Variants in CAST observed in about 807,000 individuals in gnomAD.
CAST encodes calpastatin.
CAST carries 76 observed loss-of-function variants against 119.6 expected under a neutral mutation model. That is an observed-to-expected ratio of 0.64 (90% CI 0.53 to 0.77). The LOEUF (loss-of-function observed/expected upper bound fraction) is 0.77. Among genes scored for constraint, CAST ranks in the 30% least tolerant of loss-of-function variants. The probability of loss-of-function intolerance (pLI) is 0.00; values close to 1 mark genes in which losing one functional copy is unlikely to be tolerated. For missense variants in CAST, 953 were observed against 946.5 expected (o/e 1.01, Z -0.09); for synonymous variants, 319 against 331.6 (o/e 0.96, Z 0.41).
At chr5:96,287,828 G>T in the CAST span, among the ~76,000 whole-genome samples, 5 of 152,030 alleles carry the variant, frequency 3.3e-5, no homozygotes, top group African/African-American at 1.2e-4. Context: ...TCTCATGACA[G>T]AGCAAGACTC....
At chr5:96,560,226 A>C (rs1402343386) in intron 1 of CAST, among the ~76,000 whole-genome samples, 1 of 152,100 alleles carries the variant, frequency 6.6e-6, no homozygotes, top group African/African-American at 2.4e-5. Flanking sequence ...TAAAGACTTA[A>C]ATGTTAGACC....
At chr5:96,568,765 G>C (rs911956533) in intron 1 of CAST, among the ~76,000 whole-genome samples, 4 of 151,668 alleles carry the variant, frequency 2.6e-5, no homozygotes, top group African/African-American at 9.7e-5. Flanking sequence ...GTTATTTAAA[G>C]GAATGGTCAA....
chr5:96,137,706 T>C, the CAST span, among the ~76,000 whole-genome samples: 1 of 152,122 alleles, frequency 6.6e-6, no homozygotes, highest in South Asian at 2.1e-4. Flanking sequence ...TATATAGTGG[T>C]ATCTTGTTGT....
chr5:96,681,001 G>A (rs146151230), intron 2 of CAST, among the ~76,000 whole-genome samples: 78 of 152,386 alleles, frequency 5.1e-4, no homozygotes, highest in African/African-American at 1.8e-3. Flanking sequence ...CAAGAGGCCA[G>A]CACAGGCTCG....
intron 1 of CAST, among the ~76,000 whole-genome samples, chr5:96,534,941 G>GAA (rs1554066296): frequency 4.1e-5 from 6 of 147,486 alleles, no homozygotes; most frequent in Non-Finnish European, 6.0e-5. Flanking sequence ...AAGAAAGAAA[G>GAA]AGAAAGGGAA....
chr5:96,542,308 C>CAAAAAA (rs759173589), intron 1 of CAST, among the ~76,000 whole-genome samples: 857 of 37,032 alleles, frequency 0.023, 16 homozygotes, highest in African/African-American at 0.062. Flanking sequence ...GACTTAGTCT[C>CAAAAAA]AAAAAAAAAA....
intron 19 of CAST, among the ~76,000 whole-genome samples, chr5:96,750,254 T>C (rs1423689049): frequency 1.3e-5 from 2 of 152,236 alleles, no homozygotes; most frequent in African/African-American, 2.4e-5. Flanking sequence ...CCAGGTACTA[T>C]GCATAGCACT....
chr5:96,602,461 G>C (rs776582230), intron 1 of CAST, among the ~76,000 whole-genome samples: 3 of 152,154 alleles, frequency 2.0e-5, no homozygotes, highest in Non-Finnish European at 4.4e-5. Context: ...GAACTAAACA[G>C]GGTCATGAGG....
At chr5:96,397,486 A>G in the CAST span, 3 of 1,608,268 alleles carry the variant, frequency 1.9e-6, no homozygotes, top group Non-Finnish European at 2.6e-6. Flanking sequence ...AACAAATACA[A>G]GTTAATGAAT....
chr5:96,037,382 A>G, the CAST span, among the ~76,000 whole-genome samples: 1 of 152,312 alleles, frequency 6.6e-6, no homozygotes, highest in Middle Eastern at 3.4e-3. Flanking sequence ...GTTACTCAAG[A>G]CAAATATTAC....
At chr5:96,654,372 A>T (rs779610770) in intron 1 of CAST, among the ~76,000 whole-genome samples, 1 of 151,818 alleles carries the variant, frequency 6.6e-6, no homozygotes, top group Non-Finnish European at 1.5e-5. Flanking sequence ...CACTTTCACT[A>T]CTTTCCTCAT....
chr5:96,333,676 G>A, the CAST span, among the ~76,000 whole-genome samples: 1 of 152,114 alleles, frequency 6.6e-6, no homozygotes, highest in East Asian at 1.9e-4. Context: ...GAGACCTGGA[G>A]TTGGGGAGGC....
intron 3 of CAST, among the ~76,000 whole-genome samples, chr5:96,704,131 C>CGT (rs1397877107): frequency 6.6e-6 from 1 of 152,110 alleles, no homozygotes; most frequent in African/African-American, 2.4e-5. Flanking sequence ...CTAGGGATCC[C>CGT]GTGTGTGTGC....
the CAST span, among the ~76,000 whole-genome samples, chr5:96,234,111 G>A: frequency 3.3e-5 from 5 of 152,158 alleles, no homozygotes; most frequent in South Asian, 1.0e-3. Context: ...TTATATTCAG[G>A]AAATGTAAAT....
At chr5:96,431,606 A>T in the CAST span, among the ~76,000 whole-genome samples, 49 of 152,170 alleles carry the variant, frequency 3.2e-4, no homozygotes, top group African/African-American at 1.1e-3. Context: ...CAAAAGACTC[A>T]TCTGCTGCTG....
intron 31 of CAST, 129 bp downstream of exon 31, chr5:96,771,831 A>G (rs1402218630): frequency 1.8e-5 from 10 of 548,918 alleles, no homozygotes; most frequent in East Asian, 3.0e-5. Flanking sequence ...CATGAAATGC[A>G]TACTGCAAGA....
At chr5:96,553,158 C>A (rs1746169237) in intron 1 of CAST, among the ~76,000 whole-genome samples, 1 of 152,122 alleles carries the variant, frequency 6.6e-6, no homozygotes, top group Non-Finnish European at 1.5e-5. Context: ...TGGGAAAATC[C>A]TCAATAAAAT....
At chr5:96,663,068 C>T (rs774153991) in intron 1 of CAST, 5 of 701,292 alleles carry the variant, frequency 7.1e-6, no homozygotes, top group South Asian at 3.0e-5. Context: ...AGCCCGGCGC[C>T]TCCAACGCAA....
chr5:96,530,397 A>G (rs1389178715), intron 1 of CAST, among the ~76,000 whole-genome samples: 1 of 152,218 alleles, frequency 6.6e-6, no homozygotes, highest in African/African-American at 2.4e-5. Context: ...CAGGCACTAT[A>G]TTGGAGAGGG....
Sources: allele counts gnomAD v4.1 joint callset (sites outside exome capture counted in the v4.1 genomes callset), GRCh38; gene constraint gnomAD v4.1.1; transcripts MANE v1.5; gene names NCBI Gene and HGNC (gene_info 2026-07-23, HGNC 2026-07-21).